The following GMDS variants were observed in gnomAD, a reference collection of about 807,000 sequenced individuals.
GMDS encodes GDP-mannose 4,6-dehydratase, also known as GDP-mannose 4,6 dehydratase.
Under a neutral mutation model 49.9 loss-of-function variants are expected in GMDS, and 20 were observed. That is an observed-to-expected ratio of 0.40 (90% CI 0.28 to 0.58). The LOEUF (loss-of-function observed/expected upper bound fraction) is 0.58, where lower values mean the gene tolerates loss of function less well. Ranked by LOEUF, GMDS falls within the 20% of genes least tolerant of loss-of-function variation. The pLI is 0.42. For missense variants in GMDS, 362 were observed against 481.4 expected, an observed-to-expected ratio of 0.75 and a Z score of 2.32; for synonymous variants, 177 against 178.6, an observed-to-expected ratio of 0.99 and a Z score of 0.07.
chr6:2,031,591 A>G (rs148516296), intron 4 of GMDS, among the ~76,000 whole-genome samples: 47 of 152,244 alleles, frequency 3.1e-4, no homozygotes, highest in African/African-American at 6.3e-4. Flanking sequence ...TGAAAATGTG[A>G]TATTTGAGTC....
chr6:2,023,012 T>A (rs913491822), intron 4 of GMDS, among the ~76,000 whole-genome samples: 5 of 152,188 alleles, frequency 3.3e-5, no homozygotes, highest in African/African-American at 1.2e-4. Flanking sequence ...AATACACAGA[T>A]CCTGGAACTT....
At chr6:2,111,392 A>C (rs1319438364) in intron 4 of GMDS, among the ~76,000 whole-genome samples, 1 of 152,192 alleles carries the variant, frequency 6.6e-6, no homozygotes, top group Admixed American at 6.6e-5. Context: ...CCAGCCTTTC[A>C]ATGACCTACT....
At chr6:2,105,953 A>G (rs2127490848) in intron 4 of GMDS, among the ~76,000 whole-genome samples, 1 of 152,332 alleles carries the variant, frequency 6.6e-6, no homozygotes, top group East Asian at 1.9e-4. Flanking sequence ...AGGGTGCAAC[A>G]TTTTCTAAAG....
intron 4 of GMDS, among the ~76,000 whole-genome samples, chr6:2,046,963 A>G (rs1430190117): frequency 1.3e-5 from 2 of 152,200 alleles, no homozygotes; most frequent in Non-Finnish European, 2.9e-5. Flanking sequence ...TGGTGAATTC[A>G]GGAATTAGTT....
chr6:1,837,172 C>T (rs989376164), intron 7 of GMDS, among the ~76,000 whole-genome samples: 2 of 152,136 alleles, frequency 1.3e-5, no homozygotes, highest in South Asian at 2.1e-4. Flanking sequence ...TTTGGGCTCA[C>T]CACATGTTCA....
At chr6:1,870,705 G>GAC (rs1351828024) in intron 7 of GMDS, among the ~76,000 whole-genome samples, 1 of 152,072 alleles carries the variant, frequency 6.6e-6, no homozygotes, top group African/African-American at 2.4e-5. Context: ...TTACGCCCAA[G>GAC]ACACACCTAT....
chr6:2,207,417 G>A (rs1779853851), intron 1 of GMDS, among the ~76,000 whole-genome samples: 1 of 151,938 alleles, frequency 6.6e-6, no homozygotes, highest in African/African-American at 2.4e-5. Flanking sequence ...AAGGAAGCTG[G>A]AAAATGTCAT....
At chr6:2,086,006 A>G (rs960095530) in intron 4 of GMDS, among the ~76,000 whole-genome samples, 1 of 152,242 alleles carries the variant, frequency 6.6e-6, no homozygotes, top group African/African-American at 2.4e-5. Flanking sequence ...TAAATAAACT[A>G]AAGTGTGGAC....
chr6:1,623,920 T>C lies in GMDS; in HGVS notation c.*249A>G, dbSNP rs773286409. The C allele has an allele frequency of 7.1e-5, 35 of 490,218 alleles. No homozygotes were observed. The highest frequency in any genetic ancestry group is 4.3e-5 in the Non-Finnish European group (12 of 277,754). The allele number at this position is 490,218 out of a possible 1,614,324, so 30.4% of individuals were successfully genotyped here. On this transcript the variant is annotated 3_prime_UTR_variant, in exon 11 of 11. Transcript: ENST00000380815. ...GTAAAGTGAATGTGATTAAAACATC[T>C]TGATTTCACAAAGCCATTCAGAGGA...
At chr6:1,816,336 A>T (rs181324373) in intron 7 of GMDS, among the ~76,000 whole-genome samples, 226 of 152,342 alleles carry the variant, frequency 1.5e-3, no homozygotes, top group African/African-American at 4.7e-3. Flanking sequence ...CCAGATAAGG[A>T]AATGGATTCA....
At position 1,832,581 on chromosome 6, in the gene GMDS, C is replaced by T. The variant is rs143789632; in HGVS notation, c.772-89995G>A. ...TACACAAGCAGTAACTTGGCTGTTC[C>T]GGACTCACTGGATGTTCAGGATGAA... On this transcript the variant is annotated intron_variant, in intron 7 of 10. Transcript: ENST00000380815. Among the ~76,000 whole-genome samples the T allele has an allele frequency of 2.7e-3, 408 of 152,088 alleles. 2 individuals carry two copies. The highest frequency in any genetic ancestry group is 9.2e-3 in the African/African-American group (383 of 41,492).
chr6:1,828,431 C>A (rs1322638228), intron 7 of GMDS, among the ~76,000 whole-genome samples: 3 of 152,082 alleles, frequency 2.0e-5, no homozygotes, highest in African/African-American at 7.2e-5. Context: ...CATGACTCTA[C>A]AAATCCAAGA....
chr6:1,999,983 T>TAA (rs1766626612), intron 4 of GMDS, among the ~76,000 whole-genome samples: 31 of 15,206 alleles, frequency 2.0e-3, no homozygotes, highest in Non-Finnish European at 3.1e-3. Flanking sequence ...TATATATATT[T>TAA]TATATATATA....
At chr6:2,206,596 C>T (rs1361017680) in intron 1 of GMDS, among the ~76,000 whole-genome samples, 1 of 152,164 alleles carries the variant, frequency 6.6e-6, no homozygotes, top group African/African-American at 2.4e-5. Context: ...ACCTCATATT[C>T]ATATACCACT....
chr6:1,640,296 A>G lies in GMDS; in HGVS notation c.988-15756T>C, dbSNP rs1413879067. On this transcript the variant is annotated intron_variant, in intron 9 of 10. Transcript: ENST00000380815. The surrounding 1 kb of genome is among the most constrained non-coding windows in gnomAD (Gnocchi z 4.0). ...ACTGAAACTGTGCCCGTGGAGAAGC[A>G]CATGGGATTTAGGGTCACAGAGACT... Among the ~76,000 whole-genome samples the G allele has an allele frequency of 2.6e-5, 4 of 152,192 alleles. No individual in the cohort carries two copies. Among genetic ancestry groups the G allele is most frequent in the Non-Finnish European group, 5.9e-5 (4 of 68,030 alleles).
chr6:1,928,065 GATAA>G (rs1762110834), intron 7 of GMDS, among the ~76,000 whole-genome samples: 1 of 152,084 alleles, frequency 6.6e-6, no homozygotes, highest in South Asian at 2.1e-4. Flanking sequence ...GAAGAGTTTG[GATAA>G]ATAATACCTA....
intron 4 of GMDS, among the ~76,000 whole-genome samples, chr6:1,992,695 G>T (rs905003976): frequency 1.3e-5 from 2 of 152,086 alleles, no homozygotes; most frequent in Admixed American, 1.3e-4. Flanking sequence ...TCTTCTAAAA[G>T]AATATATAAC....
At chr6:1,764,459 C>A (rs1768273221) in intron 7 of GMDS, among the ~76,000 whole-genome samples, 1 of 152,208 alleles carries the variant, frequency 6.6e-6, no homozygotes. Context: ...CTGGAATAGG[C>A]TTGTCACTTT....
chr6:1,801,086 C>T (rs1047939392), intron 7 of GMDS, among the ~76,000 whole-genome samples: 6 of 152,186 alleles, frequency 3.9e-5, no homozygotes, highest in Admixed American at 3.3e-4. Context: ...CCAGGTGCTC[C>T]CTGGAGCCCG....
Sources: allele counts gnomAD v4.1 joint callset (sites outside exome capture counted in the v4.1 genomes callset), GRCh38; gene constraint gnomAD v4.1.1; non-coding constraint Gnocchi (gnomAD v3.1); transcripts MANE v1.5; gene names NCBI Gene and HGNC (gene_info 2026-07-23, HGNC 2026-07-21).